GPD1L: variants seen among roughly 807,000 people sequenced by gnomAD.
GPD1L encodes the protein glycerol-3-phosphate dehydrogenase 1-like protein.
Under a neutral mutation model 32.9 loss-of-function variants are expected in GPD1L, and 17 were observed. That is an observed-to-expected ratio of 0.52 (90% CI 0.35 to 0.78). The LOEUF (loss-of-function observed/expected upper bound fraction) is 0.78. Ranked by LOEUF, GPD1L falls within the 30% of genes least tolerant of loss-of-function variation. The probability of loss-of-function intolerance (pLI) is 0.01; values close to 1 mark genes in which losing one functional copy is unlikely to be tolerated. For synonymous variants in GPD1L, 187 were observed against 165.9 expected (o/e 1.13, Z -0.98); for missense variants, 361 against 447.8 (o/e 0.81, Z 1.75).
At chr3:32,159,477 AAAAG>A (rs889250685) in intron 6 of GPD1L, 87 bp from the exon 7 acceptor site, 10 of 887,066 alleles carry the variant, frequency 1.1e-5, no homozygotes, top group South Asian at 1.6e-5. Flanking sequence ...AAAAAAAAAA[AAAAG>A]AAAAAAAACA....
chr3:32,123,791 A>AAGATAGATATATAGAT (rs1700459583), intron 1 of GPD1L, among the ~76,000 whole-genome samples: 1 of 126,890 alleles, frequency 7.9e-6, no homozygotes, highest in Non-Finnish European at 1.7e-5. Context: ...CAGGAATTGA[A>AAGATAGATATATAGAT]AGATAGATAG....
intron 1 of GPD1L, among the ~76,000 whole-genome samples, chr3:32,107,911 T>C (rs1405414844): frequency 6.6e-6 from 1 of 152,180 alleles, no homozygotes; most frequent in Non-Finnish European, 1.5e-5. Context: ...GCCTGGCATA[T>C]GCTAAGTCAA....
chr3:32,149,893 G>C (rs576319568), intron 5 of GPD1L, among the ~76,000 whole-genome samples: 1 of 151,366 alleles, frequency 6.6e-6, no homozygotes, highest in East Asian at 1.9e-4. Context: ...AGGCTGCAGT[G>C]AGCCAAGATC....
chr3:32,138,497 C>T, intron 2 of GPD1L, 90 bp from the exon 3 acceptor site: 1 of 1,144,872 alleles, frequency 8.7e-7, no homozygotes, highest in East Asian at 2.3e-5. Flanking sequence ...ACATAGTAGG[C>T]ATCTGATAAA....
intron 1 of GPD1L, among the ~76,000 whole-genome samples, chr3:32,127,072 G>C (rs1159559031): frequency 2.0e-5 from 3 of 152,154 alleles, no homozygotes; most frequent in Non-Finnish European, 4.4e-5. Flanking sequence ...GATTCATCCA[G>C]GGATGAAAAT....
At chr3:32,161,656 C>T (rs1701075198) in intron 7 of GPD1L, among the ~76,000 whole-genome samples, 1 of 152,170 alleles carries the variant, frequency 6.6e-6, no homozygotes, top group African/African-American at 2.4e-5. Flanking sequence ...TCCAGGGGGA[C>T]ATGGACTAGA....
chr3:32,144,491 G>A (rs936202972), intron 4 of GPD1L, among the ~76,000 whole-genome samples: 1 of 152,160 alleles, frequency 6.6e-6, no homozygotes, highest in African/African-American at 2.4e-5. Flanking sequence ...CTAAAATAAG[G>A]GTTTTGAAGG....
chr3:32,116,302 A>G (rs1358041207), intron 1 of GPD1L, among the ~76,000 whole-genome samples: 2 of 152,352 alleles, frequency 1.3e-5, no homozygotes, highest in South Asian at 2.1e-4. Flanking sequence ...CCATGCATTC[A>G]CATTTGTCTT....
At chr3:32,120,916 T>C (rs1482649718) in intron 1 of GPD1L, among the ~76,000 whole-genome samples, 1 of 152,114 alleles carries the variant, frequency 6.6e-6, no homozygotes. Context: ...ACAGAGTGAA[T>C]GGCAAAGGGT....
intron 1 of GPD1L, among the ~76,000 whole-genome samples, chr3:32,127,137 C>G (rs993815780): frequency 6.6e-6 from 1 of 152,182 alleles, no homozygotes; most frequent in African/African-American, 2.4e-5. Context: ...TTTGTTGTCA[C>G]CCCCTACTCC....
intron 4 of GPD1L, among the ~76,000 whole-genome samples, chr3:32,145,586 G>A (rs1239028098): frequency 2.0e-5 from 3 of 152,070 alleles, no homozygotes; most frequent in African/African-American, 4.8e-5. Context: ...CTTGAGGGAG[G>A]GGCTGGTCTG....
At chr3:32,133,003 A>AT in intron 2 of GPD1L, among the ~76,000 whole-genome samples, 1 of 152,272 alleles carries the variant, frequency 6.6e-6, no homozygotes, top group East Asian at 1.9e-4. Context: ...ACAGAGGAAA[A>AT]TTACGCTATT....
intron 5 of GPD1L, among the ~76,000 whole-genome samples, chr3:32,157,030 G>A (rs1414479050): frequency 6.6e-6 from 1 of 152,132 alleles, no homozygotes; most frequent in East Asian, 1.9e-4. Flanking sequence ...TGGTGAAGGA[G>A]CTGGAAAAGT....
chr3:32,130,470 G>A (rs576812397), intron 2 of GPD1L, among the ~76,000 whole-genome samples: 1 of 152,188 alleles, frequency 6.6e-6, no homozygotes, highest in Admixed American at 6.5e-5. Flanking sequence ...GTCATTTGAT[G>A]TGCTGACTTC....
chr3:32,143,100 C>A (rs1194837270), intron 4 of GPD1L, among the ~76,000 whole-genome samples: 2 of 151,886 alleles, frequency 1.3e-5, no homozygotes, highest in Non-Finnish European at 2.9e-5. Context: ...GGGAGGATCA[C>A]CTTGAGGCTA....
chr3:32,110,432 A>G (rs1456434902), intron 1 of GPD1L, among the ~76,000 whole-genome samples: 1 of 152,260 alleles, frequency 6.6e-6, no homozygotes, highest in East Asian at 1.9e-4. Flanking sequence ...AGCAATGTTT[A>G]TACTTGGAAC....
intron 6 of GPD1L, 88 bp from the exon 7 acceptor site, chr3:32,159,480 A>AT: frequency 1.2e-6 from 1 of 801,746 alleles, no homozygotes; most frequent in Non-Finnish European, 2.0e-6. Context: ...AAAAAAAAAA[A>AT]GAAAAAAAAC....
At chr3:32,120,943 C>T (rs540375222) in intron 1 of GPD1L, among the ~76,000 whole-genome samples, 13 of 152,048 alleles carry the variant, frequency 8.5e-5, no homozygotes, top group Middle Eastern at 3.4e-3. Flanking sequence ...GGGCTGGAGG[C>T]GGGGAGGGCA....
intron 2 of GPD1L, among the ~76,000 whole-genome samples, chr3:32,133,284 G>A (rs1323996136): frequency 1.3e-5 from 2 of 152,142 alleles, no homozygotes; most frequent in African/African-American, 4.8e-5. Context: ...GGCCCTAAGA[G>A]ATTAGATAAA....
Sources: allele counts gnomAD v4.1 joint callset (sites outside exome capture counted in the v4.1 genomes callset), GRCh38; gene constraint gnomAD v4.1.1; transcripts MANE v1.5; gene names NCBI Gene and HGNC (gene_info 2026-07-23, HGNC 2026-07-21).